The following ADAMTS5 variants were observed in gnomAD, a reference collection of about 807,000 sequenced individuals.
ADAMTS5 encodes ADAM metallopeptidase with thrombospondin type 1 motif 5.
In ADAMTS5, 54 loss-of-function variants were observed where a neutral mutation model predicts 81.4. That is an observed-to-expected ratio of 0.66 (90% CI 0.53 to 0.83). ADAMTS5 has a LOEUF of 0.83. Among genes scored for constraint, ADAMTS5 ranks in the 40% least tolerant of loss-of-function variants. ADAMTS5 has a pLI of 0.00. For synonymous variants in ADAMTS5, 532 were observed against 508.8 expected (o/e 1.05, Z -0.61); for missense variants, 1,194 against 1,229.9 (o/e 0.97, Z 0.44).
intron 2 of ADAMTS5, among the ~76,000 whole-genome samples, chr21:26,945,875 C>T (rs1246380005): frequency 3.3e-5 from 5 of 152,172 alleles, no homozygotes; most frequent in Non-Finnish European, 7.3e-5. Context: ...CTTTGCTTCA[C>T]CTCAGCAAGG....
chr21:26,934,399 T>C (rs1203103789), intron 4 of ADAMTS5, 67 bp downstream of exon 4: 2 of 1,582,206 alleles, frequency 1.3e-6, no homozygotes, highest in Admixed American at 3.4e-5. Context: ...ACAGTGCCCA[T>C]ACCCATCACA....
At chr21:26,933,359 C>T (rs1168646680) in intron 4 of ADAMTS5, among the ~76,000 whole-genome samples, 1 of 152,182 alleles carries the variant, frequency 6.6e-6, no homozygotes, top group Non-Finnish European at 1.5e-5. Flanking sequence ...TATGGTCCAT[C>T]TCTGTTAATA....
chr21:26,923,971 G>C lies in ADAMTS5; in HGVS notation c.*82C>G, dbSNP rs935999195. The stretch of plus-strand genomic sequence containing the variant: ...GTCACTGAAGCATGACTTTCTGTGC[G>C]TTAGGTAGACCTCCTGTTCACCACG... On this transcript the variant is annotated 3_prime_UTR_variant, in exon 8 of 8. Transcript: ENST00000284987. 7.2e-7 allele frequency: 1 copy of C among 1,388,720 alleles called. No homozygotes were observed. Among genetic ancestry groups the C allele is most frequent in the Non-Finnish European group, 9.7e-7 (1 of 1,031,604 alleles). The allele number at this position is 1,388,720 out of a possible 1,614,324, so 86.0% of individuals were successfully genotyped here.
intron 4 of ADAMTS5, among the ~76,000 whole-genome samples, chr21:26,933,327 C>G (rs1329534780): frequency 6.6e-6 from 1 of 152,134 alleles, no homozygotes; most frequent in Non-Finnish European, 1.5e-5. Context: ...TTCTACGGAC[C>G]ATTGTAAATT....
At chr21:26,932,752 C>T in intron 5 of ADAMTS5, 109 bp downstream of exon 5, 4 of 1,202,872 alleles carry the variant, frequency 3.3e-6, no homozygotes, top group Non-Finnish European at 4.5e-6. Flanking sequence ...ATTGGTGGAA[C>T]TGTGCAGTAT....
intron 1 of ADAMTS5, among the ~76,000 whole-genome samples, chr21:26,963,152 T>C (rs936910851): frequency 1.3e-5 from 2 of 152,006 alleles, no homozygotes; most frequent in African/African-American, 2.4e-5. Flanking sequence ...ATATTTTCCA[T>C]GTGTAGACTA....
At chr21:26,951,579 T>C (rs1207392205) in intron 2 of ADAMTS5, among the ~76,000 whole-genome samples, 1 of 148,790 alleles carries the variant, frequency 6.7e-6, no homozygotes, top group East Asian at 2.0e-4. Context: ...CTTGGGGGGC[T>C]GAGGCAGGAG....
intron 2 of ADAMTS5, among the ~76,000 whole-genome samples, chr21:26,951,768 G>T (rs942380162): frequency 2.1e-5 from 3 of 145,426 alleles, no homozygotes; most frequent in African/African-American, 7.7e-5. Context: ...AGAATCGAGA[G>T]CATGGTTAGC....
Position 26,921,910 on chromosome 21 carries a change from T to C in ADAMTS5, c.*2143A>G, listed in dbSNP as rs1413879854. On this transcript the variant is annotated 3_prime_UTR_variant, in exon 8 of 8. Coordinates refer to ENST00000284987, the MANE Select transcript of ADAMTS5 (RefSeq NM_007038.5). ...CAACTACATTTATGCCTCGAGTATT[T>C]TTTAATGTTGTTGGGAATATAACCA... is the stretch of plus-strand genomic sequence containing the variant. 6.6e-6 allele frequency: 1 copy of C among 152,200 alleles called. No individual in the cohort carries two copies. The highest frequency in any genetic ancestry group is 1.5e-5 in the Non-Finnish European group (1 of 67,962). 9.4% of individuals were successfully genotyped at this position (152,200 alleles called of 1,614,324 possible).
intron 4 of ADAMTS5, 109 bp from the exon 5 acceptor site, chr21:26,933,153 T>A: frequency 2.6e-6 from 3 of 1,144,856 alleles, no homozygotes; most frequent in Non-Finnish European, 3.7e-6. Context: ...TTGTCACAGA[T>A]ACAGTTATAT....
At chr21:26,950,508 T>C (rs1987297030) in intron 2 of ADAMTS5, among the ~76,000 whole-genome samples, 1 of 152,214 alleles carries the variant, frequency 6.6e-6, no homozygotes, top group African/African-American at 2.4e-5. Flanking sequence ...TGAAGTGACT[T>C]TCTGAAATGT....
chr21:26,967,052 C>T lies in ADAMTS5; in HGVS notation c.-661G>A, dbSNP rs990022185. Among the ~76,000 whole-genome samples, 1 of 152,250 alleles carries T rather than the reference C, an allele frequency of 6.6e-6. No individual in the cohort carries two copies. Among genetic ancestry groups the T allele is most frequent in the African/African-American group, 2.4e-5 (1 of 41,470 alleles). ...CCTCCTGCCCGCCGTCATCCCCAGT[C>T]GGCAGCTGCGAGCGCCGAGAGCAGC... On this transcript the variant is annotated 5_prime_UTR_variant, in exon 1 of 8. Coordinates refer to ENST00000284987, the MANE Select transcript of ADAMTS5 (RefSeq NM_007038.5).
chr21:26,960,032 G>C (rs162503), intron 1 of ADAMTS5, among the ~76,000 whole-genome samples: 1 of 151,894 alleles, frequency 6.6e-6, no homozygotes, highest in Non-Finnish European at 1.5e-5. Context: ...GTACCTTCCT[G>C]CTCCATTCTG....
chr21:26,947,666 C>G (rs1987242504), intron 2 of ADAMTS5, among the ~76,000 whole-genome samples: 1 of 152,150 alleles, frequency 6.6e-6, no homozygotes, highest in Admixed American at 6.5e-5. Context: ...AACTCCTGAC[C>G]TCAGTTGATC....
Position 26,922,624 on chromosome 21 carries a change from G to A in ADAMTS5, c.*1429C>T, listed in dbSNP as rs1210706596. 1 of 151,926 alleles carries A rather than the reference G, an allele frequency of 6.6e-6. No individual in the cohort carries two copies. 9.4% of individuals were successfully genotyped at this position (151,926 alleles called of 1,614,324 possible). On this transcript the variant is annotated 3_prime_UTR_variant, in exon 8 of 8. Transcript: ENST00000284987. ...TTATCATCTAAAAAGATATCTTTAG[G>A]TGTGTGCTTATAAAATAATTTCCAT...
intron 2 of ADAMTS5, among the ~76,000 whole-genome samples, chr21:26,952,992 C>T (rs233895): frequency 0.75 from 114,495 of 152,198 alleles, 43,419 homozygotes; most frequent in South Asian, 0.87. Flanking sequence ...TACATAGATA[C>T]GTAATAAATA....
Position 26,923,805 on chromosome 21 carries a change from G to A in ADAMTS5, c.*248C>T, listed in dbSNP as rs1041806343. On this transcript the variant is annotated 3_prime_UTR_variant, in exon 8 of 8. Coordinates refer to ENST00000284987, the MANE Select transcript of ADAMTS5 (RefSeq NM_007038.5). ...GTCCCCTGATTTTACATTCATCAGTGTTTCTTGTAAGCCCAGGGGATGTTC... is the reference window on the plus strand; with the variant it reads ...GTCCCCTGATTTTACATTCATCAGTATTTCTTGTAAGCCCAGGGGATGTTC... The A allele has an allele frequency of 7.2e-6, 3 of 419,554 alleles. No homozygotes were observed. The highest frequency in any genetic ancestry group is 1.3e-5 in the Non-Finnish European group (3 of 233,842). The allele number at this position is 419,554 out of a possible 1,614,324, so 26.0% of individuals were successfully genotyped here.
At position 26,932,883 on chromosome 21, in the gene ADAMTS5, A is replaced by G. The variant is rs61750214; in HGVS notation, c.1851T>C (p.Ser617=). ...TACCATTGGGTGGGCAGGGCATGAG[A>G]CTGCAGGAGCGGTAGATGGCCCTCT... ...TGKRAIYRSC[S]LMPCPPNGKS... is the part of the protein sequence containing the mutation. Residue 617 remains serine, a synonymous_variant, in exon 5 of 8, where the codon AGT becomes AGC. Transcript: ENST00000284987. 0.025 allele frequency: 41,086 copies of G among 1,612,732 alleles called. 673 individuals are homozygous for G. Among genetic ancestry groups the G allele is most frequent in the Non-Finnish European group, 0.031 (36,697 of 1,179,576 alleles).
Position 26,934,537 on chromosome 21 carries a change from T to A in ADAMTS5, c.1618A>T (p.Thr540Ser), listed in dbSNP as rs768959826. ...CAGATTCTCCCCTTTCCACAAGGCG[T>A]CCCTTCCACCGCAGGCAGCTTCTTG... ...LTKKLPAVEGTPCGKGRICLQ... is the reference protein window; with the variant it reads ...LTKKLPAVEGSPCGKGRICLQ... The change falls in exon 4 of 8, where the codon ACG (threonine) becomes TCG (serine). Residue 540 changes from threonine (T) to serine (S), a missense_variant. Thr to Ser is a moderately conservative substitution (Grantham distance 58, BLOSUM62 1). Transcript: ENST00000284987. 6.2e-7 allele frequency: 1 copy of A among 1,614,142 alleles called. No individual in the cohort carries two copies. The highest frequency in any genetic ancestry group is 8.5e-7 in the Non-Finnish European group (1 of 1,180,022).
Sources: gnomAD v4.1 joint callset for allele counts (sites outside exome capture counted in the v4.1 genomes callset) on GRCh38, gnomAD v4.1.1 for gene constraint, MANE v1.5 for transcripts, NCBI Gene and HGNC (gene_info 2026-07-23, HGNC 2026-07-21) for gene names.